The following NCS1 variants were observed in gnomAD, a reference collection of about 807,000 sequenced individuals.
NCS1 encodes neuronal calcium sensor 1, also known as frequenin homolog.
In NCS1, 6 loss-of-function variants were observed where a neutral mutation model predicts 28.4. That is an observed-to-expected ratio of 0.21 (90% CI 0.12 to 0.42). The LOEUF (loss-of-function observed/expected upper bound fraction) is 0.42, where lower values mean the gene tolerates loss of function less well. Ranked by LOEUF, NCS1 falls within the 10% of genes least tolerant of loss-of-function variation. The pLI is 1.00. For missense variants in NCS1, 131 were observed against 241.4 expected, an observed-to-expected ratio of 0.54 and a Z score of 3.03; for synonymous variants, 86 against 99.3, an observed-to-expected ratio of 0.87 and a Z score of 0.79.
At chr9:130,217,615 G>C (rs544205438) in intron 2 of NCS1, among the ~76,000 whole-genome samples, 9 of 152,308 alleles carry the variant, frequency 5.9e-5, no homozygotes, top group African/African-American at 1.7e-4. Flanking sequence ...TTATGCAGAC[G>C]AGGCTAGGAG....
rs1832745152 is a variant in NCS1 at position 130,186,864 on chromosome 9, G to A, written c.65-14094G>A. 1.3e-5 allele frequency among the ~76,000 whole-genome samples: 2 copies of A among 152,198 alleles called. No homozygotes were observed. The highest frequency in any genetic ancestry group is 2.4e-5 in the African/African-American group (1 of 41,452). Reference sequence around the variant, plus strand: ...GAGGGCCCTGATGGCAGGAGGGCCCGTGCTGTGCTCAGCCTGGCTCCAAGC... The same window carrying A: ...GAGGGCCCTGATGGCAGGAGGGCCCATGCTGTGCTCAGCCTGGCTCCAAGC... On this transcript the variant is annotated intron_variant, in intron 1 of 7. Transcript: ENST00000372398. This position sits in a 1 kb window ranked among gnomAD's most constrained non-coding sequence, Gnocchi z 4.1.
chr9:130,189,761 G>A (rs1832789025), intron 1 of NCS1, among the ~76,000 whole-genome samples: 1 of 148,974 alleles, frequency 6.7e-6, no homozygotes, highest in African/African-American at 2.5e-5. Flanking sequence ...AGAATTGCTT[G>A]AACCTGCTTG....
intron 1 of NCS1, among the ~76,000 whole-genome samples, chr9:130,193,472 T>A (rs1334743397): frequency 6.6e-6 from 1 of 152,076 alleles, no homozygotes; most frequent in Non-Finnish European, 1.5e-5. Flanking sequence ...CTCGTATTTT[T>A]GAGGCAGCCA....
At chr9:130,195,543 C>G (rs782429148) in intron 1 of NCS1, among the ~76,000 whole-genome samples, 22 of 152,142 alleles carry the variant, frequency 1.4e-4, no homozygotes, top group Non-Finnish European at 3.1e-4. Flanking sequence ...CATGCTTCAG[C>G]CTCCGTGGTA....
At chr9:130,199,874 AC>A (rs1832918676) in intron 1 of NCS1, among the ~76,000 whole-genome samples, 1 of 149,074 alleles carries the variant, frequency 6.7e-6, no homozygotes, top group Non-Finnish European at 1.5e-5. Context: ...TCCACCTGAC[AC>A]CCCTTTCCTG....
In NCS1 at chr9:130,175,683, G is replaced by C. The variant is rs1171399850; in HGVS notation, c.64+2956G>C. 2.0e-5 allele frequency among the ~76,000 whole-genome samples: 3 copies of C among 152,070 alleles called. No individual in the cohort carries two copies. The highest frequency in any genetic ancestry group is 7.2e-5 in the African/African-American group (3 of 41,414). On this transcript the variant is annotated intron_variant, in intron 1 of 7. Coordinates refer to ENST00000372398, the MANE Select transcript of NCS1 (RefSeq NM_014286.4). This position sits in a 1 kb window ranked among gnomAD's most constrained non-coding sequence, Gnocchi z 4.9. ...TCTCTGGCTCTGTCTGTGGTGGTCT[G>C]TGTGTGTGAGGAAGCAGGAGTGTCT...
At chr9:130,196,472 C>A (rs1832879442) in intron 1 of NCS1, among the ~76,000 whole-genome samples, 1 of 152,224 alleles carries the variant, frequency 6.6e-6, no homozygotes, top group African/African-American at 2.4e-5. Context: ...GGCGCGGCGT[C>A]TCACGCCTGT....
intron 2 of NCS1, among the ~76,000 whole-genome samples, chr9:130,202,586 T>G (rs1301929513): frequency 4.0e-5 from 6 of 151,170 alleles, no homozygotes; most frequent in African/African-American, 1.5e-4. Context: ...CATGTTTTTT[T>G]TTTTTTTTTG....
In NCS1 at chr9:130,181,190, A is replaced by G. The variant is rs1554905114; in HGVS notation, c.64+8463A>G. 2.0e-5 allele frequency among the ~76,000 whole-genome samples: 3 copies of G among 152,176 alleles called. No individual in the cohort carries two copies. The highest frequency in any genetic ancestry group is 1.3e-4 in the Admixed American group (2 of 15,284). ...GCTTGGGCTGTGGTGTTCAAGACCC[A>G]GGCCCTTGGATCTTCTCAGCCTCAG... On this transcript the variant is annotated intron_variant, in intron 1 of 7. Transcript: ENST00000372398. The surrounding 1 kb of genome is among the most constrained non-coding windows in gnomAD (Gnocchi z 5.0).
At chr9:130,220,068 A>G (rs545125202) in intron 4 of NCS1, among the ~76,000 whole-genome samples, 14 of 152,248 alleles carry the variant, frequency 9.2e-5, no homozygotes, top group Admixed American at 7.8e-4. Flanking sequence ...TCCTGGAGGC[A>G]CCGGCAGCAG....
chr9:130,201,542 T>TGGGCCTGGGGGAGGA (rs1307842350), intron 2 of NCS1, among the ~76,000 whole-genome samples: 12 of 152,044 alleles, frequency 7.9e-5, no homozygotes, highest in Non-Finnish European at 1.6e-4. Context: ...GTGCCAGGGC[T>TGGGCCTGGGGGAGGA]GGGCCTGGGG....
intron 2 of NCS1, among the ~76,000 whole-genome samples, chr9:130,208,315 G>C (rs1243277948): frequency 4.6e-5 from 7 of 151,688 alleles, no homozygotes; most frequent in Admixed American, 2.6e-4. Context: ...AGTCTCGCTT[G>C]GTTGCCCAGG....
At chr9:130,198,779 C>A (rs1832906327) in intron 1 of NCS1, among the ~76,000 whole-genome samples, 1 of 152,276 alleles carries the variant, frequency 6.6e-6, no homozygotes, top group South Asian at 2.1e-4. Context: ...GGATTTGAAC[C>A]CAGGCGGTCT....
rs1833570541 is a variant in NCS1, at chr9:130,235,391, G to A, written c.*2419G>A. 6.6e-6 allele frequency: 1 copy of A among 152,460 alleles called. No homozygotes were observed. The highest frequency in any genetic ancestry group is 2.4e-5 in the African/African-American group (1 of 41,460). The allele number at this position is 152,460 out of a possible 1,614,324, so 9.4% of individuals were successfully genotyped here. A position where few individuals can be genotyped will look rare whatever the true frequency, so the allele number is the denominator to read the frequency against. Reference sequence around the variant, plus strand: ...AATTACTTTCCTTTGGCCTCTGCCTGAGGCTCGATTTGCCTCTCTGGTCCA... The same window carrying A: ...AATTACTTTCCTTTGGCCTCTGCCTAAGGCTCGATTTGCCTCTCTGGTCCA... On this transcript the variant is annotated 3_prime_UTR_variant, in exon 8 of 8. Transcript: ENST00000372398.
At position 130,235,500 on chromosome 9, in the gene NCS1, C is replaced by G. The variant is rs1168550019; in HGVS notation, c.*2528C>G. On this transcript the variant is annotated 3_prime_UTR_variant, in exon 8 of 8. Coordinates refer to ENST00000372398, the MANE Select transcript of NCS1 (RefSeq NM_014286.4). ...TGTGGACCCCTTCGGTGTGTCCGGC[C>G]TTCCTCCATCGTCCTGCCCTTTGGC... 6.5e-6 allele frequency: 1 copy of G among 152,692 alleles called. No individual in the cohort carries two copies. The highest frequency in any genetic ancestry group is 1.5e-5 in the Non-Finnish European group (1 of 68,392). 9.5% of individuals were successfully genotyped at this position (152,692 alleles called of 1,614,324 possible).
At chr9:130,174,096 C>A (rs1390114077) in intron 1 of NCS1, among the ~76,000 whole-genome samples, 1 of 152,182 alleles carries the variant, frequency 6.6e-6, no homozygotes, top group Non-Finnish European at 1.5e-5. Flanking sequence ...GGTGGGTGGC[C>A]CATTCCAGTC....
chr9:130,223,289 G>A, intron 6 of NCS1, 130 bp downstream of exon 6: 1 of 757,082 alleles, frequency 1.3e-6, no homozygotes, highest in Non-Finnish European at 2.3e-6. Context: ...GCGGCACGGT[G>A]TCCTATCCCT....
intron 1 of NCS1, among the ~76,000 whole-genome samples, chr9:130,188,332 G>C (rs1554905853): frequency 6.6e-6 from 1 of 152,074 alleles, no homozygotes; most frequent in Non-Finnish European, 1.5e-5. Flanking sequence ...CCTGGCTGAG[G>C]CCTGCACATC....
intron 2 of NCS1, among the ~76,000 whole-genome samples, chr9:130,208,403 C>G (rs111730890): frequency 2.0e-5 from 3 of 151,922 alleles, no homozygotes; most frequent in Admixed American, 6.6e-5. Context: ...CTCAGCCTCC[C>G]GAGTAGCTGG....
Sources: allele counts gnomAD v4.1 joint callset (sites outside exome capture counted in the v4.1 genomes callset), GRCh38; gene constraint gnomAD v4.1.1; non-coding constraint Gnocchi (gnomAD v3.1); transcripts MANE v1.5; gene names NCBI Gene and HGNC (gene_info 2026-07-23, HGNC 2026-07-21).